The following CEP85L variants were observed in gnomAD, a reference collection of about 807,000 sequenced individuals.
The protein encoded by CEP85L is centrosomal protein 85L.
Under a neutral mutation model 100.3 loss-of-function variants are expected in CEP85L, and 60 were observed. The ratio of observed to expected loss-of-function variants is 0.60; its 90% CI spans 0.49 to 0.74. The LOEUF is 0.74. CEP85L is among the 30% of genes least tolerant of loss of function. The pLI, the probability that CEP85L is intolerant of heterozygous loss-of-function variation, is 0.00. For missense variants in CEP85L, 973 were observed against 936.2 expected (o/e 1.04, Z -0.51); for synonymous variants, 319 against 322.7 (o/e 0.99, Z 0.12).
intron 4 of CEP85L, among the ~76,000 whole-genome samples, chr6:118,514,734 G>C (rs534043808): frequency 1.1e-3 from 167 of 151,660 alleles, no homozygotes; most frequent in African/African-American, 3.8e-3. Flanking sequence ...AAAGTAAAAA[G>C]AGGAAAACCT....
At chr6:118,657,622 A>G (rs1211544382) in intron 1 of CEP85L, among the ~76,000 whole-genome samples, 3 of 152,178 alleles carry the variant, frequency 2.0e-5, no homozygotes, top group Non-Finnish European at 4.4e-5. Context: ...TCCAAAACAG[A>G]AAGACAGACA....
At chr6:118,508,909 TACTC>T (rs1775812285) in intron 5 of CEP85L, among the ~76,000 whole-genome samples, 1 of 152,126 alleles carries the variant, frequency 6.6e-6, no homozygotes, top group South Asian at 2.1e-4. Flanking sequence ...AATATTTTAT[TACTC>T]TATCTGCTGT....
intron 3 of CEP85L, among the ~76,000 whole-genome samples, chr6:118,564,175 G>A (rs1022005539): frequency 9.2e-5 from 14 of 152,088 alleles, no homozygotes; most frequent in African/African-American, 3.4e-4. Flanking sequence ...GTTTAAACCA[G>A]AGATTTGTCC....
intron 12 of CEP85L, among the ~76,000 whole-genome samples, chr6:118,467,783 A>C (rs1772641064): frequency 6.6e-6 from 1 of 152,164 alleles, no homozygotes; most frequent in Non-Finnish European, 1.5e-5. Flanking sequence ...ATATTAAAGC[A>C]CTCCATGTTC....
rs34904795 is a variant in CEP85L, at chr6:118,696,677, GTTT to G, written c.-28+13356_-28+13358del. 5.1e-3 allele frequency among the ~76,000 whole-genome samples: 779 copies of G among 151,322 alleles called. 2 individuals are homozygous for G. Among genetic ancestry groups the G allele is most frequent in the South Asian group, 0.012 (56 of 4,804 alleles). On this transcript the variant is annotated intron_variant, in intron 1 of 13. Coordinates refer to the CEP85L transcript ENST00000368488. ...CACTGGTTTACTAAACCTCCACAGAGTTTTTTGTTGTTGTTGTTGTTGTTGTTA... is the reference window on the plus strand; with the variant it reads ...CACTGGTTTACTAAACCTCCACAGAGTTTGTTGTTGTTGTTGTTGTTGTTA...
intron 1 of CEP85L, among the ~76,000 whole-genome samples, chr6:118,633,311 T>A (rs1045687868): frequency 6.6e-6 from 1 of 151,844 alleles, no homozygotes; most frequent in Non-Finnish European, 1.5e-5. Context: ...TTCACGCCAT[T>A]CTCCTGCCTC....
At chr6:118,594,734 T>C (rs938062696) in intron 2 of CEP85L, among the ~76,000 whole-genome samples, 2 of 151,210 alleles carry the variant, frequency 1.3e-5, no homozygotes, top group African/African-American at 2.4e-5. Flanking sequence ...CAGGCGCCTG[T>C]AGTCCCAGCT....
chr6:118,672,813 G>A (rs1024279073), intron 1 of CEP85L, among the ~76,000 whole-genome samples: 5 of 151,596 alleles, frequency 3.3e-5, no homozygotes, highest in Middle Eastern at 3.4e-3. Context: ...GGAGGAAGGA[G>A]AAGGAGGAGG....
At chr6:118,490,773 T>C (rs1237368772) in intron 6 of CEP85L, among the ~76,000 whole-genome samples, 2 of 152,144 alleles carry the variant, frequency 1.3e-5, no homozygotes, top group African/African-American at 4.8e-5. Flanking sequence ...AGATAGAAAC[T>C]GATACATGTA....
intron 1 of CEP85L, among the ~76,000 whole-genome samples, chr6:118,705,035 AT>A (rs1394085353): frequency 2.7e-5 from 4 of 150,404 alleles, no homozygotes; most frequent in African/African-American, 7.4e-5. Context: ...ACTCCCTTTC[AT>A]TTTTTCCCCA....
chr6:118,693,696 C>T (rs1168157288), intron 1 of CEP85L, among the ~76,000 whole-genome samples: 1 of 152,170 alleles, frequency 6.6e-6, no homozygotes, highest in Non-Finnish European at 1.5e-5. Context: ...CAAAGCTGGT[C>T]CTATGTGGAC....
chr6:118,526,528 A>G (rs931442660), intron 3 of CEP85L, among the ~76,000 whole-genome samples: 23 of 152,202 alleles, frequency 1.5e-4, no homozygotes, highest in Admixed American at 1.5e-3. Flanking sequence ...AGGCAGCCCA[A>G]CAAAGGAGCA....
intron 5 of CEP85L, among the ~76,000 whole-genome samples, chr6:118,492,809 G>A (rs1774662040): frequency 6.6e-6 from 1 of 152,144 alleles, no homozygotes; most frequent in Non-Finnish European, 1.5e-5. Flanking sequence ...ATGAAACTAA[G>A]TGCTAAGATA....
intron 4 of CEP85L, among the ~76,000 whole-genome samples, chr6:118,516,824 G>C (rs903046861): frequency 2.5e-4 from 38 of 152,306 alleles, no homozygotes; most frequent in Admixed American, 1.5e-3. Context: ...CTTTGCCCAT[G>C]CCTATGTCCT....
chr6:118,571,570 T>C (rs1199248228), intron 2 of CEP85L, among the ~76,000 whole-genome samples: 2 of 152,070 alleles, frequency 1.3e-5, no homozygotes, highest in East Asian at 3.9e-4. Context: ...CTATCTTCTC[T>C]TATATACAGG....
intron 2 of CEP85L, among the ~76,000 whole-genome samples, chr6:118,599,272 AG>A (rs1781603704): frequency 6.6e-6 from 1 of 152,234 alleles, no homozygotes; most frequent in Non-Finnish European, 1.5e-5. Flanking sequence ...CCCAAAAGTA[AG>A]GAAGTGCTCA....
At chr6:118,584,872 C>T (rs918094214) in intron 2 of CEP85L, among the ~76,000 whole-genome samples, 1 of 152,244 alleles carries the variant, frequency 6.6e-6, no homozygotes, top group African/African-American at 2.4e-5. Context: ...TCAGGCCCTG[C>T]TGTTAAAGGG....
intron 1 of CEP85L, among the ~76,000 whole-genome samples, chr6:118,669,605 A>T (rs1377992744): frequency 1.3e-5 from 2 of 152,130 alleles, no homozygotes; most frequent in Non-Finnish European, 1.5e-5. Flanking sequence ...CTCCCTCCAC[A>T]CACACCAGTC....
chr6:118,554,317 A>G (rs1286626562), intron 3 of CEP85L, among the ~76,000 whole-genome samples: 1 of 152,016 alleles, frequency 6.6e-6, no homozygotes, highest in Non-Finnish European at 1.5e-5. Flanking sequence ...AAAAACAATT[A>G]ATTAATTAAA....
Sources: allele counts gnomAD v4.1 joint callset (sites outside exome capture counted in the v4.1 genomes callset), GRCh38; gene constraint gnomAD v4.1.1; transcripts MANE v1.5; gene names NCBI Gene and HGNC (gene_info 2026-07-23, HGNC 2026-07-21).